TBCE: variants seen among roughly 807,000 people sequenced by gnomAD.
TBCE encodes the protein tubulin-specific chaperone E.
Under a neutral mutation model 77.0 loss-of-function variants are expected in TBCE, and 53 were observed. The ratio of observed to expected loss-of-function variants is 0.69; its 90% CI spans 0.55 to 0.87. The LOEUF (loss-of-function observed/expected upper bound fraction) is 0.87. TBCE is among the 40% of genes least tolerant of loss of function. The pLI is 0.00. For synonymous variants in TBCE, 235 were observed against 241.3 expected, an observed-to-expected ratio of 0.97 and a Z score of 0.24; for missense variants, 624 against 622.4, an observed-to-expected ratio of 1.00 and a Z score of -0.03.
intron 9 of TBCE, 147 bp downstream of exon 9, chr1:235,435,987 T>A (rs1304923456): frequency 1.3e-6 from 1 of 744,504 alleles, no homozygotes; most frequent in Non-Finnish European, 2.3e-6. Flanking sequence ...GAAATTTTCA[T>A]TTGAATTCAT....
In TBCE at chr1:235,450,082, G is replaced by T. The variant is rs1682798868; in HGVS notation, c.*1320G>T. On this transcript the variant is annotated 3_prime_UTR_variant, in exon 17 of 17. Coordinates refer to ENST00000642610, the MANE Select transcript of TBCE (RefSeq NM_003193.5). ...AACACCGCATTGGTTCTGGGTGAAA[G>T]TGCCAGTCTGGAACTCTCTTGAAAG... 8.4e-7 allele frequency: 1 copy of T among 1,188,928 alleles called. No individual in the cohort carries two copies. The highest frequency in any genetic ancestry group is 2.1e-5 in the Admixed American group (1 of 47,838). The allele number at this position is 1,188,928 out of a possible 1,614,324, so 73.6% of individuals were successfully genotyped here.
intron 2 of TBCE, among the ~76,000 whole-genome samples, chr1:235,398,544 TTTTG>T (rs1366138403): frequency 3.3e-5 from 5 of 151,950 alleles, no homozygotes; most frequent in South Asian, 2.1e-4. Flanking sequence ...ACTACTTGCT[TTTTG>T]TTTGTTTTGC....
At chr1:235,428,310 C>T (rs187044271) in intron 6 of TBCE, among the ~76,000 whole-genome samples, 75 of 152,194 alleles carry the variant, frequency 4.9e-4, no homozygotes, top group Admixed American at 3.3e-3. Flanking sequence ...GGCGACAGAG[C>T]GAGACTCCAT....
chr1:235,440,197 C>G (rs764899568), intron 13 of TBCE, among the ~76,000 whole-genome samples: 2 of 152,106 alleles, frequency 1.3e-5, no homozygotes, highest in Non-Finnish European at 2.9e-5. Flanking sequence ...GTCTCGATCT[C>G]CTGACCTTGT....
intron 15 of TBCE, among the ~76,000 whole-genome samples, chr1:235,443,221 A>G (rs1558395364): frequency 6.6e-6 from 1 of 151,670 alleles, no homozygotes; most frequent in Non-Finnish European, 1.5e-5. Flanking sequence ...ATTTTTTTTG[A>G]GACAGGGCCT....
intron 2 of TBCE, among the ~76,000 whole-genome samples, chr1:235,381,555 G>T (rs978089819): frequency 2.0e-5 from 3 of 151,570 alleles, no homozygotes; most frequent in Non-Finnish European, 4.4e-5. Context: ...GTGGTGGCGG[G>T]CACCTGTAGT....
chr1:235,438,682 T>A, intron 12 of TBCE, 87 bp from the exon 13 acceptor site: 2 of 1,489,188 alleles, frequency 1.3e-6, no homozygotes, highest in South Asian at 1.1e-5. Context: ...CTGCATGTGC[T>A]ATGGAGGAAG....
intron 5 of TBCE, among the ~76,000 whole-genome samples, chr1:235,422,972 G>A (rs1208435522): frequency 1.3e-5 from 2 of 152,234 alleles, no homozygotes; most frequent in Admixed American, 6.5e-5. Flanking sequence ...CCCAGGACAC[G>A]AAGAAATGAG....
At chr1:235,400,727 T>C (rs1209252702) in intron 2 of TBCE, among the ~76,000 whole-genome samples, 1 of 121,418 alleles carries the variant, frequency 8.2e-6, no homozygotes, top group African/African-American at 3.2e-5. Flanking sequence ...GGAATTTTGC[T>C]CTTGTTGCCC....
In TBCE at chr1:235,448,944, A is replaced by G. The variant is rs1319762000; in HGVS notation, c.*182A>G. The stretch of plus-strand genomic sequence containing the variant: ...ATTTCTAGGCTTATACATAATAGCA[A>G]TAATAAAGGCTTTGAACCTACTAAT... On this transcript the variant is annotated 3_prime_UTR_variant, in exon 17 of 17. Transcript: ENST00000642610. The G allele has an allele frequency of 3.4e-5, 19 of 563,986 alleles. No individual in the cohort carries two copies. The highest frequency in any genetic ancestry group is 2.0e-4 in the East Asian group (6 of 30,210). 34.9% of individuals were successfully genotyped at this position (563,986 alleles called of 1,614,324 possible).
At chr1:235,412,141 CTT>C (rs1679822159) in intron 3 of TBCE, among the ~76,000 whole-genome samples, 1 of 6,654 alleles carries the variant, frequency 1.5e-4, no homozygotes. Context: ...TTCTCCTCCC[CTT>C]CCCCTCCCCT....
chr1:235,402,624 T>G lies in TBCE; in HGVS notation c.185+1037T>G, dbSNP rs542190231. On this transcript the variant is annotated intron_variant, in intron 3 of 16. Coordinates refer to ENST00000642610, the MANE Select transcript of TBCE (RefSeq NM_003193.5). ...TGTTTTTAACAGTCTTTTTTGTTTG[T>G]TTGGTTGGTTTATTTGTTTATTTTT... Among the ~76,000 whole-genome samples, 143 of 152,058 alleles carry G rather than the reference T, an allele frequency of 9.4e-4. 1 individual carries two copies. Among genetic ancestry groups the G allele is most frequent in the African/African-American group, 3.2e-3 (134 of 41,494 alleles).
intron 1 of TBCE, among the ~76,000 whole-genome samples, chr1:235,376,790 A>G (rs1021782353): frequency 2.0e-5 from 3 of 152,010 alleles, no homozygotes; most frequent in African/African-American, 7.2e-5. Context: ...CCTGGCCCAC[A>G]TGGTGAAATC....
chr1:235,414,945 G>A (rs1392898107), intron 4 of TBCE: 1 of 349,022 alleles, frequency 2.9e-6, no homozygotes, highest in Non-Finnish European at 5.5e-6. Flanking sequence ...ATGATGGTAA[G>A]TTGGGAATGG....
At chr1:235,413,192 A>T (rs1572389217) in intron 3 of TBCE, among the ~76,000 whole-genome samples, 1 of 152,024 alleles carries the variant, frequency 6.6e-6, no homozygotes, top group Non-Finnish European at 1.5e-5. Flanking sequence ...GTTGTCTCTT[A>T]AAAAAAGTAC....
chr1:235,435,670 AG>A, intron 8 of TBCE, 74 bp from the exon 9 acceptor site: 4 of 1,406,652 alleles, frequency 2.8e-6, no homozygotes, highest in Non-Finnish European at 4.0e-6. Flanking sequence ...CACCAAATGC[AG>A]GGATTTTAAG....
rs780704611 is a variant in TBCE, at chr1:235,380,162, TGTGTGTGTG to T, written c.100+14_100+22del. The T allele has an allele frequency of 7.5e-3, 80 of 10,688 alleles. No individual in the cohort carries two copies. The South Asian group carries it at 0.11, about 15-fold the overall frequency. The allele number at this position is 10,688 out of a possible 1,614,324, so 0.7% of individuals were successfully genotyped here. A position where few individuals can be genotyped will look rare whatever the true frequency, so the allele number is the denominator to read the frequency against. ...CCTCCCGTGGCAGGTAAGCAATTAT[TGTGTGTGTG>T]TGTGTGTGTGTGTGTGTGTGTGTGT... On this transcript the variant is annotated intron_variant, in intron 2 of 16. Transcript: ENST00000642610.
At chr1:235,420,194 A>G (rs1680320513) in intron 5 of TBCE, among the ~76,000 whole-genome samples, 1 of 152,210 alleles carries the variant, frequency 6.6e-6, no homozygotes, top group Admixed American at 6.5e-5. Flanking sequence ...GCTGTCTTAC[A>G]AGTGTGAAGA....
chr1:235,447,997 T>C (rs914788710), intron 15 of TBCE, among the ~76,000 whole-genome samples: 14 of 151,684 alleles, frequency 9.2e-5, no homozygotes, highest in African/African-American at 3.1e-4. Flanking sequence ...GATCACGAGG[T>C]CAGGAGTTCA....
Sources: allele counts gnomAD v4.1 joint callset (sites outside exome capture counted in the v4.1 genomes callset), GRCh38; gene constraint gnomAD v4.1.1; transcripts MANE v1.5; gene names NCBI Gene and HGNC (gene_info 2026-07-23, HGNC 2026-07-21).